The following HACL1 variants were observed in gnomAD, a reference collection of about 807,000 sequenced individuals.
The protein encoded by HACL1 is 1600020H07Rik.
Under a neutral mutation model 74.2 loss-of-function variants are expected in HACL1, and 64 were observed. The ratio of observed to expected loss-of-function variants is 0.86; its 90% CI spans 0.70 to 1.06. The LOEUF is 1.06. HACL1 is among the 50% of genes least tolerant of loss of function. The pLI is 0.00. For missense variants in HACL1, 728 were observed against 719.7 expected (o/e 1.01, Z -0.13); for synonymous variants, 230 against 238.8 (o/e 0.96, Z 0.34).
chr3:15,580,067 T>C, intron 8 of HACL1, 22 bp from the exon 9 acceptor site: 5 of 1,602,924 alleles, frequency 3.1e-6, no homozygotes, highest in Non-Finnish European at 4.3e-6. Context: ...GCAAATGTAT[T>C]GGACAATTCA....
In HACL1 at chr3:15,601,553, T is replaced by G; in HGVS notation, c.-90A>C. 6.2e-7 allele frequency: 1 copy of G among 1,603,944 alleles called. No homozygotes were observed. Among genetic ancestry groups the G allele is most frequent in the Non-Finnish European group, 8.5e-7 (1 of 1,179,168 alleles). On this transcript the variant is annotated 5_prime_UTR_variant, in exon 1 of 17. Transcript: ENST00000321169. Reference sequence around the variant, plus strand: ...AACGCGAAATCGGCAGCACGCCACCTCTGGTACTGCACCTCTGACGGACAG... The same window carrying G: ...AACGCGAAATCGGCAGCACGCCACCGCTGGTACTGCACCTCTGACGGACAG...
At chr3:15,598,016 G>A (rs974535937) in intron 2 of HACL1, among the ~76,000 whole-genome samples, 3 of 150,102 alleles carry the variant, frequency 2.0e-5, no homozygotes, top group Non-Finnish European at 4.4e-5. Flanking sequence ...ATTTTGTTTT[G>A]TTTTGTTTTT....
intron 12 of HACL1, among the ~76,000 whole-genome samples, chr3:15,570,401 G>A (rs934990592): frequency 6.6e-6 from 1 of 151,470 alleles, no homozygotes; most frequent in Non-Finnish European, 1.5e-5. Context: ...CTGCTATAAT[G>A]TTTGATGCGA....
At chr3:15,563,583 TA>T (rs1396840407) in intron 15 of HACL1, 39 bp from the exon 16 acceptor site, 2 of 1,313,998 alleles carry the variant, frequency 1.5e-6, no homozygotes, top group Non-Finnish European at 2.1e-6. Flanking sequence ...ATTTAAATCT[TA>T]AACCTTGTAG....
At chr3:15,580,240 T>C (rs1392756500) in intron 8 of HACL1, among the ~76,000 whole-genome samples, 195 bp from the exon 9 acceptor site, 1 of 152,144 alleles carries the variant, frequency 6.6e-6, no homozygotes, top group African/African-American at 2.4e-5. Context: ...CAATCTTTCC[T>C]CCTCAGCTTC....
chr3:15,600,738 C>G (rs1316071755), intron 2 of HACL1: 1 of 299,984 alleles, frequency 3.3e-6, no homozygotes, highest in Non-Finnish European at 6.4e-6. Context: ...AATATCCCTG[C>G]TCTAATGGAG....
intron 3 of HACL1, among the ~76,000 whole-genome samples, chr3:15,593,751 T>C (rs2064001227): frequency 6.6e-6 from 1 of 151,934 alleles, no homozygotes; most frequent in South Asian, 2.1e-4. Context: ...AAAGTAATTC[T>C]GAATGCAGTG....
intron 3 of HACL1, among the ~76,000 whole-genome samples, chr3:15,593,381 T>G (rs554342995): frequency 2.0e-5 from 3 of 150,920 alleles, no homozygotes; most frequent in South Asian, 2.1e-4. Flanking sequence ...ACCCGGCTAA[T>G]TTTTTGTATT....
At chr3:15,563,179 C>T (rs995961312) in intron 16 of HACL1, among the ~76,000 whole-genome samples, 179 bp downstream of exon 16, 3 of 152,182 alleles carry the variant, frequency 2.0e-5, no homozygotes, top group Admixed American at 6.5e-5. Context: ...CCATGCTATT[C>T]GTAGCACCTA....
At chr3:15,584,562 C>T (rs1422150252) in intron 7 of HACL1, among the ~76,000 whole-genome samples, 2 of 151,772 alleles carry the variant, frequency 1.3e-5, no homozygotes, top group Admixed American at 6.6e-5. Flanking sequence ...CACTCCAGCC[C>T]GGGCAACAGG....
intron 16 of HACL1, 120 bp from the exon 17 acceptor site, chr3:15,561,017 G>A (rs2063337480): frequency 1.3e-6 from 1 of 773,422 alleles, no homozygotes; most frequent in Non-Finnish European, 2.2e-6. Context: ...AATGAGGTTT[G>A]TCTTTGTTCT....
intron 12 of HACL1, among the ~76,000 whole-genome samples, chr3:15,569,396 A>G (rs1574911759): frequency 6.6e-6 from 1 of 152,370 alleles, no homozygotes; most frequent in East Asian, 1.9e-4. Flanking sequence ...AATAAAATTG[A>G]GACTGGTGGC....
chr3:15,568,702 T>C, intron 12 of HACL1, 116 bp from the exon 13 acceptor site: 1 of 660,818 alleles, frequency 1.5e-6, no homozygotes, highest in Non-Finnish European at 2.6e-6. Flanking sequence ...AGCTACAAGG[T>C]TTCCAAATGG....
At chr3:15,592,514 TTGTATACATATACACATGTATACACA>T (rs1187460115) in intron 3 of HACL1, among the ~76,000 whole-genome samples, 5 of 144,572 alleles carry the variant, frequency 3.5e-5, no homozygotes, top group African/African-American at 1.1e-4. Flanking sequence ...GTATATACAC[TTGTATACATATACACATGTATACACA>T]TGTACGCACA....
rs1194281335 is a variant in HACL1 at position 15,563,317 on chromosome 3, G to A, written c.1704+41C>T. The A allele has an allele frequency of 5.2e-6, 7 of 1,346,262 alleles. No homozygotes were observed. In the South Asian group the frequency reaches 7.2e-5, roughly 14 times the overall value. 83.4% of individuals were successfully genotyped at this position (1,346,262 alleles called of 1,614,324 possible). ...TACTTTTTGGAGGGGGATAGGGGAA[G>A]CAGATGCATTTCTTGCTTTCTGCTT... On this transcript the variant is annotated intron_variant, in intron 16 of 16. Coordinates refer to ENST00000321169, the MANE Select transcript of HACL1 (RefSeq NM_012260.4).
intron 7 of HACL1, among the ~76,000 whole-genome samples, 200 bp downstream of exon 7, chr3:15,585,048 T>G (rs1177235456): frequency 6.6e-6 from 1 of 152,242 alleles, no homozygotes; most frequent in Non-Finnish European, 1.5e-5. Context: ...GGTTTAGTAA[T>G]TAAATCCATA....
chr3:15,583,648 T>C (rs1201292759), intron 7 of HACL1, among the ~76,000 whole-genome samples: 1 of 151,034 alleles, frequency 6.6e-6, no homozygotes, highest in Non-Finnish European at 1.5e-5. Flanking sequence ...CTTTTTTTTT[T>C]TTCTTTTCTT....
Position 15,591,957 on chromosome 3 carries a change from TATAC to T in HACL1, c.228-281_228-278del, listed in dbSNP as rs569982139. ...TATACGTGTATATATACACACACTA[TATAC>T]ATAGTGTATATATATACACACTATA... On this transcript the variant is annotated intron_variant, in intron 3 of 16. Coordinates refer to ENST00000321169, the MANE Select transcript of HACL1 (RefSeq NM_012260.4). 1.8e-3 allele frequency among the ~76,000 whole-genome samples: 270 copies of T among 149,664 alleles called. 1 individual carries two copies. Among genetic ancestry groups the T allele is most frequent in the African/African-American group, 5.8e-3 (239 of 40,904 alleles).
chr3:15,583,008 A>G lies in HACL1; in HGVS notation c.555-19T>C, dbSNP rs762403131. On this transcript the variant is annotated intron_variant, in intron 7 of 16. Coordinates refer to ENST00000321169, the MANE Select transcript of HACL1 (RefSeq NM_012260.4). ...CATGTACCTGGAAAAAAAGAGCCCT[A>G]TTAATTAAAAGAGGCCAACTATGAT... The G allele has an allele frequency of 7.9e-6, 10 of 1,269,304 alleles. No individual in the cohort carries two copies. Among genetic ancestry groups the G allele is most frequent in the South Asian group, 1.3e-5 (1 of 78,886 alleles). The allele number at this position is 1,269,304 out of a possible 1,614,324, so 78.6% of individuals were successfully genotyped here.
Sources: allele counts gnomAD v4.1 joint callset (sites outside exome capture counted in the v4.1 genomes callset), GRCh38; gene constraint gnomAD v4.1.1; transcripts MANE v1.5; gene names NCBI Gene and HGNC (gene_info 2026-07-23, HGNC 2026-07-21).